The following PTPRM variants were observed in gnomAD, a reference collection of about 807,000 sequenced individuals.
PTPRM encodes the protein receptor-type tyrosine-protein phosphatase mu.
Under a neutral mutation model 186.7 loss-of-function variants are expected in PTPRM, and 47 were observed. That is an observed-to-expected ratio of 0.25 (90% CI 0.20 to 0.32). PTPRM has a LOEUF of 0.32. Among genes scored for constraint, PTPRM ranks in the 10% least tolerant of loss-of-function variants. The pLI is 1.00. For synonymous variants in PTPRM, 668 were observed against 674.9 expected, an observed-to-expected ratio of 0.99 and a Z score of 0.16; for missense variants, 1,494 against 1,865.0, an observed-to-expected ratio of 0.80 and a Z score of 3.66.
rs923895271 is a variant in PTPRM, at chr18:8,025,431, C to A, written c.1133-44255C>A. Among the ~76,000 whole-genome samples, 4 of 152,202 alleles carry A rather than the reference C, an allele frequency of 2.6e-5. No individual in the cohort carries two copies. In the East Asian group the frequency reaches 5.8e-4, roughly 22 times the overall value. On this transcript the variant is annotated intron_variant, in intron 7 of 32. Transcript: ENST00000580170. ...GGAGAAGACCACTGAGGCCTCACAT[C>A]TCTCTTAAAAATCTGCCTGATTAGG...
At chr18:8,378,030 A>G in intron 26 of PTPRM, 2 of 388,072 alleles carry the variant, frequency 5.2e-6, no homozygotes, top group Non-Finnish European at 9.2e-6. Flanking sequence ...CTTCAGCCAC[A>G]GTTTTCATGG....
At chr18:8,316,037 T>C (rs1453972072) in intron 21 of PTPRM, among the ~76,000 whole-genome samples, 2 of 152,178 alleles carry the variant, frequency 1.3e-5, no homozygotes, top group Non-Finnish European at 2.9e-5. Context: ...AGTGAGAACC[T>C]CATGGGAGTA....
intron 30 of PTPRM, among the ~76,000 whole-genome samples, chr18:8,386,257 T>C (rs960119200): frequency 7.9e-5 from 12 of 152,068 alleles, no homozygotes; most frequent in Non-Finnish European, 1.6e-4. Context: ...TATTGGGATA[T>C]TGGTAATATC....
At chr18:7,960,187 G>A (rs73381880) in intron 7 of PTPRM, among the ~76,000 whole-genome samples, 4,453 of 152,126 alleles carry the variant, frequency 0.029, 145 homozygotes, top group African/African-American at 0.076. Context: ...AGGAGCTAAC[G>A]AAGGATTATT....
At chr18:8,197,972 A>G (rs1299501874) in intron 14 of PTPRM, among the ~76,000 whole-genome samples, 1 of 152,124 alleles carries the variant, frequency 6.6e-6, no homozygotes, top group Non-Finnish European at 1.5e-5. Context: ...GGTGGGATGG[A>G]GTGACCTGAG....
At chr18:7,584,833 G>A (rs976262552) in intron 1 of PTPRM, among the ~76,000 whole-genome samples, 18 of 152,238 alleles carry the variant, frequency 1.2e-4, no homozygotes, top group African/African-American at 4.1e-4. Flanking sequence ...CCTTCTGTGG[G>A]TGAGTACCCA....
chr18:7,714,224 C>T (rs958541066), intron 1 of PTPRM, among the ~76,000 whole-genome samples: 4 of 152,130 alleles, frequency 2.6e-5, no homozygotes, highest in Admixed American at 1.3e-4. Flanking sequence ...CACTGAAAGT[C>T]GCACAACTAC....
At chr18:7,741,032 T>C (rs562767647) in intron 1 of PTPRM, among the ~76,000 whole-genome samples, 1 of 152,292 alleles carries the variant, frequency 6.6e-6, no homozygotes, top group Admixed American at 6.5e-5. Flanking sequence ...ATGAAAGTGC[T>C]TTCTTTCCCC....
intron 3 of PTPRM, among the ~76,000 whole-genome samples, chr18:7,894,048 T>C (rs1018118114): frequency 1.3e-4 from 20 of 152,054 alleles, no homozygotes; most frequent in African/African-American, 4.8e-4. Context: ...CAATAAGCTC[T>C]GAAGTTGAGC....
At chr18:7,904,321 G>C (rs1169200734) in intron 3 of PTPRM, among the ~76,000 whole-genome samples, 2 of 152,150 alleles carry the variant, frequency 1.3e-5, no homozygotes, top group East Asian at 1.9e-4. Context: ...ACCTGAATAG[G>C]CTTGTGTATC....
At chr18:7,940,594 ATGGTGGGG>A (rs1401747929) in intron 5 of PTPRM, among the ~76,000 whole-genome samples, 2 of 151,984 alleles carry the variant, frequency 1.3e-5, no homozygotes, top group Non-Finnish European at 2.9e-5. Flanking sequence ...AGGAGTCCAC[ATGGTGGGG>A]CTGAGTCAGC....
chr18:7,680,362 C>T (rs1049697447), intron 1 of PTPRM, among the ~76,000 whole-genome samples: 7 of 152,120 alleles, frequency 4.6e-5, no homozygotes, highest in African/African-American at 1.4e-4. Flanking sequence ...TAGCCACTTG[C>T]GTACAGCAGC....
rs369840808 is a variant in PTPRM, at chr18:7,823,388, A to T, written c.196+49117A>T. Among the ~76,000 whole-genome samples, 16 of 152,326 alleles carry T rather than the reference A, an allele frequency of 1.1e-4. No individual in the cohort carries two copies. In the East Asian group the frequency reaches 1.9e-3, roughly 18 times the overall value. On this transcript the variant is annotated intron_variant, in intron 2 of 32. Transcript: ENST00000580170. ...CACAAACAGAAGGATGCCCATGGAC[A>T]GGGGTGCCCAGCAGGCAGATATAAA...
At chr18:8,080,741 C>T (rs1248220567) in intron 9 of PTPRM, among the ~76,000 whole-genome samples, 1 of 152,118 alleles carries the variant, frequency 6.6e-6, no homozygotes, top group Non-Finnish European at 1.5e-5. Context: ...TCAAGGGCTT[C>T]TGTGATCCAA....
chr18:8,031,713 G>A (rs1169063213), intron 7 of PTPRM, among the ~76,000 whole-genome samples: 1 of 152,176 alleles, frequency 6.6e-6, no homozygotes, highest in Non-Finnish European at 1.5e-5. Context: ...GTGTCCAGCA[G>A]ATGTGTGGAG....
chr18:8,234,932 A>G (rs2147189867), intron 14 of PTPRM, among the ~76,000 whole-genome samples: 1 of 152,186 alleles, frequency 6.6e-6, no homozygotes, highest in East Asian at 1.9e-4. Context: ...CCTGAAATAT[A>G]TTCTACTTGG....
At chr18:8,345,659 A>G (rs2095501053) in intron 23 of PTPRM, among the ~76,000 whole-genome samples, 1 of 151,114 alleles carries the variant, frequency 6.6e-6, no homozygotes, top group African/African-American at 2.4e-5. Context: ...ATAACATTTT[A>G]TAAATATATA....
chr18:7,965,192 C>T lies in PTPRM; in HGVS notation c.1132+9778C>T, dbSNP rs553390325. 2.5e-4 allele frequency among the ~76,000 whole-genome samples: 38 copies of T among 152,084 alleles called. No individual in the cohort carries two copies. The South Asian group carries it at 3.1e-3, about 12-fold the overall frequency. On this transcript the variant is annotated intron_variant, in intron 7 of 32. Coordinates refer to ENST00000580170, the MANE Select transcript of PTPRM (RefSeq NM_001105244.2). ...CCCCAAGTAGCTCGGATTACAGGCA[C>T]GCGCCACCACGCCCAGCTAATATTT...
At chr18:8,149,959 A>G (rs1246308339) in intron 14 of PTPRM, among the ~76,000 whole-genome samples, 34 of 152,184 alleles carry the variant, frequency 2.2e-4, no homozygotes, top group Admixed American at 2.1e-3. Flanking sequence ...TTCTTTAAGA[A>G]TGTTGAATAT....
Sources: gnomAD v4.1 joint callset for allele counts (sites outside exome capture counted in the v4.1 genomes callset) on GRCh38, gnomAD v4.1.1 for gene constraint, MANE v1.5 for transcripts, NCBI Gene and HGNC (gene_info 2026-07-23, HGNC 2026-07-21) for gene names.